The following RGL1 variants were observed in gnomAD, a reference collection of about 807,000 sequenced individuals.
RGL1 encodes the protein ral guanine nucleotide dissociation stimulator like 1.
In RGL1, 24 loss-of-function variants were observed where a neutral mutation model predicts 95.2. The ratio of observed to expected loss-of-function variants is 0.25; its 90% CI spans 0.18 to 0.35. The LOEUF (loss-of-function observed/expected upper bound fraction) is 0.35, where lower values mean the gene tolerates loss of function less well. Ranked by LOEUF, RGL1 falls within the 10% of genes least tolerant of loss-of-function variation. The pLI, the probability that RGL1 is intolerant of heterozygous loss-of-function variation, is 1.00. For missense variants in RGL1, 715 were observed against 936.3 expected (o/e 0.76, Z 3.08); for synonymous variants, 329 against 344.9 (o/e 0.95, Z 0.51).
At chr1:183,869,308 C>G (rs558260566) in intron 4 of RGL1, among the ~76,000 whole-genome samples, 1 of 152,270 alleles carries the variant, frequency 6.6e-6, no homozygotes, top group East Asian at 1.9e-4. Context: ...GAATGAAACT[C>G]CAAGCTAAGC....
At chr1:183,701,661 G>A (rs540522435) in intron 1 of RGL1, among the ~76,000 whole-genome samples, 6 of 151,912 alleles carry the variant, frequency 3.9e-5, no homozygotes, top group South Asian at 4.1e-4. Flanking sequence ...TTTATTGGCC[G>A]GGTGCAGTGG....
At chr1:183,793,836 G>A (rs993876584) in intron 2 of RGL1, among the ~76,000 whole-genome samples, 1 of 152,050 alleles carries the variant, frequency 6.6e-6, no homozygotes, top group Non-Finnish European at 1.5e-5. Context: ...AAACAGCATG[G>A]AGTTTGTAAA....
At chr1:183,715,249 T>G (rs1370461400) in intron 1 of RGL1, among the ~76,000 whole-genome samples, 2 of 152,136 alleles carry the variant, frequency 1.3e-5, no homozygotes, top group African/African-American at 4.8e-5. Context: ...AATTCTACAT[T>G]TGATCTTGTT....
At chr1:183,881,107 C>A (rs576008276) in intron 5 of RGL1, among the ~76,000 whole-genome samples, 2 of 152,260 alleles carry the variant, frequency 1.3e-5, no homozygotes, top group African/African-American at 4.8e-5. Context: ...TCTTCTGTTA[C>A]CAAGAAGAGG....
At chr1:183,814,324 T>C (rs1276816804) in intron 2 of RGL1, among the ~76,000 whole-genome samples, 1 of 152,150 alleles carries the variant, frequency 6.6e-6, no homozygotes, top group Non-Finnish European at 1.5e-5. Context: ...CTGCTTGGCT[T>C]GTTTCCTCAA....
chr1:183,808,763 T>A (rs573102303), intron 2 of RGL1, among the ~76,000 whole-genome samples: 1 of 143,330 alleles, frequency 7.0e-6, no homozygotes, highest in Admixed American at 7.0e-5. Context: ...CTCTCTCTCT[T>A]TTTTTTTTTT....
At chr1:183,808,022 T>G (rs1558218642) in intron 2 of RGL1, among the ~76,000 whole-genome samples, 1 of 152,116 alleles carries the variant, frequency 6.6e-6, no homozygotes. Flanking sequence ...GGTCATTACA[T>G]TTTTTTGGTA....
chr1:183,665,379 A>G (rs1651961145), intron 1 of RGL1, among the ~76,000 whole-genome samples: 2 of 152,120 alleles, frequency 1.3e-5, no homozygotes, highest in Admixed American at 1.3e-4. Context: ...TGGTTTTGGT[A>G]TTAGAGTAAT....
At chr1:183,651,850 G>A (rs760839199) in intron 1 of RGL1, among the ~76,000 whole-genome samples, 4 of 152,140 alleles carry the variant, frequency 2.6e-5, no homozygotes, top group Non-Finnish European at 5.9e-5. Context: ...GCTTACTCCC[G>A]AGCATTGTTT....
At chr1:183,922,566 A>G (rs1296260595) in intron 17 of RGL1, among the ~76,000 whole-genome samples, 1 of 152,116 alleles carries the variant, frequency 6.6e-6, no homozygotes, top group African/African-American at 2.4e-5. Context: ...TGCGATTTTG[A>G]TGAGTATTTC....
At chr1:183,922,175 G>A (rs1201104812) in intron 16 of RGL1, 47 bp from the exon 17 acceptor site, 1 of 1,504,536 alleles carries the variant, frequency 6.6e-7, no homozygotes, top group South Asian at 1.1e-5. Flanking sequence ...ACTCCCTCAG[G>A]AAACGTGAAG....
chr1:183,651,124 T>G (rs1033297765), intron 1 of RGL1, among the ~76,000 whole-genome samples: 2 of 152,224 alleles, frequency 1.3e-5, no homozygotes, highest in African/African-American at 4.8e-5. Context: ...CATTTTTATG[T>G]GGTCCAGTCT....
chr1:183,897,473 T>TCCCAGCTACTC (rs1667766924), intron 9 of RGL1, among the ~76,000 whole-genome samples: 1 of 151,598 alleles, frequency 6.6e-6, no homozygotes, highest in Non-Finnish European at 1.5e-5. Flanking sequence ...CACTTGAACC[T>TCCCAGCTACTC]GGGAGGCAGA....
intron 4 of RGL1, among the ~76,000 whole-genome samples, chr1:183,879,945 A>C (rs149589771): frequency 6.6e-6 from 1 of 152,350 alleles, no homozygotes; most frequent in African/African-American, 2.4e-5. Context: ...TGTGACCCAC[A>C]GAGCCATCAG....
chr1:183,657,226 T>G (rs1661847115), intron 1 of RGL1, among the ~76,000 whole-genome samples: 2 of 152,194 alleles, frequency 1.3e-5, no homozygotes, highest in Non-Finnish European at 2.9e-5. Context: ...TTTCCATTTC[T>G]TTGTCTTGTT....
intron 1 of RGL1, among the ~76,000 whole-genome samples, chr1:183,642,126 C>A (rs898910707): frequency 6.6e-6 from 1 of 152,122 alleles, no homozygotes; most frequent in Non-Finnish European, 1.5e-5. Flanking sequence ...CTATCTAAGA[C>A]TCATAGGTTT....
chr1:183,744,253 A>G (rs1657486490), intron 2 of RGL1, among the ~76,000 whole-genome samples: 1 of 152,196 alleles, frequency 6.6e-6, no homozygotes, highest in Non-Finnish European at 1.5e-5. Context: ...AGTTTTGAAC[A>G]TGTAAAATCC....
chr1:183,897,641 T>A (rs189670870), intron 9 of RGL1, among the ~76,000 whole-genome samples, 167 bp from the exon 10 acceptor site: 1 of 152,184 alleles, frequency 6.6e-6, no homozygotes, highest in East Asian at 1.9e-4. Context: ...GCCAGCCAAG[T>A]ATTTGCATAA....
At chr1:183,806,569 G>C (rs759918677) in intron 2 of RGL1, 84 bp downstream of exon 2, 124 of 978,718 alleles carry the variant, frequency 1.3e-4, no homozygotes, top group Middle Eastern at 2.2e-4. Context: ...ACAGAGGCAG[G>C]CTTTTTTTTT....
Sources: allele counts gnomAD v4.1 joint callset (sites outside exome capture counted in the v4.1 genomes callset), GRCh38; gene constraint gnomAD v4.1.1; transcripts MANE v1.5; gene names NCBI Gene and HGNC (gene_info 2026-07-23, HGNC 2026-07-21).